Variants in CAMTA1 observed in about 807,000 individuals in gnomAD.
CAMTA1 encodes the protein calmodulin binding transcription activator 1.
Under a neutral mutation model 170.9 loss-of-function variants are expected in CAMTA1, and 27 were observed. That is an observed-to-expected ratio of 0.16 (90% CI 0.12 to 0.22). The LOEUF (loss-of-function observed/expected upper bound fraction) is 0.22. CAMTA1 is among the 10% of genes least tolerant of loss of function. The probability of loss-of-function intolerance (pLI) is 1.00; values close to 1 mark genes in which losing one functional copy is unlikely to be tolerated. For synonymous variants in CAMTA1, 833 were observed against 891.5 expected (o/e 0.93, Z 1.17); for missense variants, 1,619 against 2,217.2 (o/e 0.73, Z 5.42).
At chr1:7,571,337 T>G (rs1054861948) in intron 6 of CAMTA1, among the ~76,000 whole-genome samples, 2 of 152,222 alleles carry the variant, frequency 1.3e-5, no homozygotes, top group Non-Finnish European at 2.9e-5. Context: ...CTTTACACTT[T>G]TTATGGTTTA....
intron 4 of CAMTA1, among the ~76,000 whole-genome samples, chr1:7,210,905 C>T (rs1162699896): frequency 6.6e-6 from 1 of 152,184 alleles, no homozygotes; most frequent in Non-Finnish European, 1.5e-5. Flanking sequence ...TATATTGTCA[C>T]AGATTTGGCC....
At chr1:7,162,877 G>T (rs1647514678) in intron 4 of CAMTA1, among the ~76,000 whole-genome samples, 1 of 152,144 alleles carries the variant, frequency 6.6e-6, no homozygotes, top group South Asian at 2.1e-4. Flanking sequence ...CTTTTGAGGA[G>T]CTGCCAAGCT....
chr1:6,998,299 C>G (rs1697645836), intron 3 of CAMTA1, among the ~76,000 whole-genome samples: 1 of 152,186 alleles, frequency 6.6e-6, no homozygotes, highest in Non-Finnish European at 1.5e-5. Flanking sequence ...CCAGGCTGGT[C>G]TGACCTCAGG....
Position 7,088,349 on chromosome 1 carries a change from T to G in CAMTA1, c.235-2955T>G, listed in dbSNP as rs1572947285. Among the ~76,000 whole-genome samples the G allele has an allele frequency of 3.9e-5, 6 of 152,240 alleles. No homozygotes were observed. In the South Asian group the frequency reaches 1.2e-3, roughly 32 times the overall value. The stretch of plus-strand genomic sequence containing the variant: ...CCTCTGCTTGCTTGAGAGAAGCTCA[T>G]TAAACATGACGTGACCCCTGCTAAG... On this transcript the variant is annotated intron_variant, in intron 3 of 22. Coordinates refer to ENST00000303635, the MANE Select transcript of CAMTA1 (RefSeq NM_015215.4).
At chr1:7,620,860 A>T (rs1319642043) in intron 6 of CAMTA1, among the ~76,000 whole-genome samples, 1 of 152,182 alleles carries the variant, frequency 6.6e-6, no homozygotes, top group Non-Finnish European at 1.5e-5. Flanking sequence ...CCAGATTCAA[A>T]GGTTTAGCTC....
rs1025871468 is a variant in CAMTA1 at position 7,154,454 on chromosome 1, A to G, written c.302+63083A>G. Among the ~76,000 whole-genome samples, 4 of 151,362 alleles carry G rather than the reference A, an allele frequency of 2.6e-5. No homozygotes were observed. The East Asian group carries it at 7.8e-4, about 29-fold the overall frequency. ...GGCCTCCTCCTCTGTCCCCTTTCCA[A>G]CCCCGCCATCACTTCCCATCTCTGG... On this transcript the variant is annotated intron_variant, in intron 4 of 22. Coordinates refer to ENST00000303635, the MANE Select transcript of CAMTA1 (RefSeq NM_015215.4).
chr1:6,904,932 CGCTG>C (rs1183550173), intron 3 of CAMTA1, among the ~76,000 whole-genome samples: 2 of 151,834 alleles, frequency 1.3e-5, no homozygotes, highest in African/African-American at 4.8e-5. Flanking sequence ...CACTCCGACT[CGCTG>C]TGTGTCCAAA....
At chr1:7,705,560 C>T (rs1402502000) in intron 11 of CAMTA1, among the ~76,000 whole-genome samples, 4 of 150,860 alleles carry the variant, frequency 2.7e-5, no homozygotes, top group Non-Finnish European at 5.9e-5. Flanking sequence ...GGGGGCCCGG[C>T]CCGGCCGGCG....
chr1:7,342,344 GC>G (rs2083897736), intron 5 of CAMTA1, among the ~76,000 whole-genome samples: 1 of 152,172 alleles, frequency 6.6e-6, no homozygotes, highest in South Asian at 2.1e-4. Context: ...CACTGACTCA[GC>G]TGGCGATTCC....
At chr1:7,430,485 A>G (rs1392375262) in intron 5 of CAMTA1, among the ~76,000 whole-genome samples, 1 of 151,756 alleles carries the variant, frequency 6.6e-6, no homozygotes, top group Admixed American at 6.6e-5. Context: ...AACATGGATG[A>G]TGGTGATTTT....
chr1:6,931,999 C>CAATA (rs1684499767), intron 3 of CAMTA1, among the ~76,000 whole-genome samples: 1 of 152,186 alleles, frequency 6.6e-6, no homozygotes, highest in African/African-American at 2.4e-5. Context: ...TCAGGGAACA[C>CAATA]CATTCACATT....
At chr1:7,344,756 T>C (rs1266204915) in intron 5 of CAMTA1, among the ~76,000 whole-genome samples, 1 of 151,078 alleles carries the variant, frequency 6.6e-6, no homozygotes, top group Non-Finnish European at 1.5e-5. Flanking sequence ...GTCTTTTTTT[T>C]TTTTTCTTTG....
At position 7,027,960 on chromosome 1, in the gene CAMTA1, A is replaced by G. The variant is rs971498101; in HGVS notation, c.235-63344A>G. 2.0e-5 allele frequency among the ~76,000 whole-genome samples: 3 copies of G among 149,272 alleles called. No individual in the cohort carries two copies. In the Admixed American group the frequency reaches 2.0e-4, roughly 10 times the overall value. On this transcript the variant is annotated intron_variant, in intron 3 of 22. Transcript: ENST00000303635. ...CACTCTGTTGCCCAGGCTGGAGTGC[A>G]ATGGTGCAATCTTGGCTCACTGCAA...
At chr1:6,849,298 T>C (rs959107754) in intron 3 of CAMTA1, among the ~76,000 whole-genome samples, 2 of 152,142 alleles carry the variant, frequency 1.3e-5, no homozygotes, top group Non-Finnish European at 2.9e-5. Flanking sequence ...CTAGAGATCC[T>C]AGAAAGCAGT....
At chr1:6,940,963 A>AGGGGG (rs1686482654) in intron 3 of CAMTA1, among the ~76,000 whole-genome samples, 1 of 394 alleles carries the variant, frequency 2.5e-3, no homozygotes, top group Admixed American at 0.024. Flanking sequence ...GGATCCTTGC[A>AGGGGG]AGGTGGGGGG....
intron 3 of CAMTA1, among the ~76,000 whole-genome samples, chr1:7,088,957 G>A (rs563048098): frequency 6.6e-6 from 1 of 152,210 alleles, no homozygotes; most frequent in Non-Finnish European, 1.5e-5. Flanking sequence ...CGGTCATTCC[G>A]ATGTTACCAT....
Position 7,736,277 on chromosome 1 carries a change from C to T in CAMTA1, c.3067-67C>T. 1 of 1,329,874 alleles carries T rather than the reference C, an allele frequency of 7.5e-7. No homozygotes were observed. The highest frequency in any genetic ancestry group is 1.1e-6 in the Non-Finnish European group (1 of 944,838). The allele number at this position is 1,329,874 out of a possible 1,614,324, so 82.4% of individuals were successfully genotyped here. The stretch of plus-strand genomic sequence containing the variant: ...AATCGTAAAGCATTTGTTTCCCCTA[C>T]ATCGAAGCGCTGATGGGGTCGAGGG... On this transcript the variant is annotated intron_variant, in intron 12 of 22. Transcript: ENST00000303635. This position sits in a 1 kb window ranked among gnomAD's most constrained non-coding sequence, Gnocchi z 4.5.
At chr1:6,953,814 A>C (rs576007425) in intron 3 of CAMTA1, among the ~76,000 whole-genome samples, 1 of 152,170 alleles carries the variant, frequency 6.6e-6, no homozygotes, top group African/African-American at 2.4e-5. Flanking sequence ...CCTACATAAA[A>C]TGGCTGAGCA....
chr1:7,438,297 G>A (rs1317240579), intron 5 of CAMTA1, among the ~76,000 whole-genome samples: 1 of 152,166 alleles, frequency 6.6e-6, no homozygotes, highest in Admixed American at 6.5e-5. Flanking sequence ...GTGGAGCATG[G>A]TGGAGAAGGA....
Sources: gnomAD v4.1 joint callset for allele counts (sites outside exome capture counted in the v4.1 genomes callset) on GRCh38, gnomAD v4.1.1 for gene constraint, Gnocchi (gnomAD v3.1) non-coding constraint, MANE v1.5 for transcripts, NCBI Gene and HGNC (gene_info 2026-07-23, HGNC 2026-07-21) for gene names.